Variants in ERI3 observed in about 807,000 individuals in gnomAD.
The protein encoded by ERI3 is ERI1 exoribonuclease family member 3.
In ERI3, 18 loss-of-function variants were observed where a neutral mutation model predicts 44.4. That is an observed-to-expected ratio of 0.41 (90% CI 0.28 to 0.60). ERI3 has a LOEUF of 0.60. Among genes scored for constraint, ERI3 ranks in the 20% least tolerant of loss-of-function variants. The probability of loss-of-function intolerance (pLI) is 0.36; values close to 1 mark genes in which losing one functional copy is unlikely to be tolerated. For missense variants in ERI3, 294 were observed against 435.5 expected (o/e 0.68, Z 2.89); for synonymous variants, 183 against 164.8 (o/e 1.11, Z -0.84).
Position 44,311,803 on chromosome 1 carries a change from G to A in ERI3, c.666+1366C>T, listed in dbSNP as rs145760317. Among the ~76,000 whole-genome samples the A allele has an allele frequency of 1.7e-4, 26 of 152,238 alleles. 1 individual carries two copies. The South Asian group carries it at 3.7e-3, about 22-fold the overall frequency. On this transcript the variant is annotated intron_variant, in intron 5 of 8. Transcript: ENST00000372257. The stretch of plus-strand genomic sequence containing the variant: ...GGTCCTGGCTGGGGATGGTGGCTGG[G>A]ACAGAGGAAAGAATGAGTTCCCTCT...
chr1:44,255,235 C>T (rs1301122421), intron 7 of ERI3, among the ~76,000 whole-genome samples: 4 of 152,150 alleles, frequency 2.6e-5, no homozygotes, highest in Non-Finnish European at 5.9e-5. Context: ...CCACTCCCTT[C>T]CTCCTTCACT....
At chr1:44,240,677 C>G (rs973607272) in intron 8 of ERI3, among the ~76,000 whole-genome samples, 1 of 152,190 alleles carries the variant, frequency 6.6e-6, no homozygotes, top group African/African-American at 2.4e-5. Context: ...TGTACTAATA[C>G]CTGGCCCTCA....
intron 7 of ERI3, 141 bp downstream of exon 7, chr1:44,284,694 A>G: frequency 3.0e-6 from 2 of 664,276 alleles, no homozygotes; most frequent in South Asian, 3.8e-5. Context: ...CATATTAGCT[A>G]AGGAAAAGGA....
chr1:44,224,507 T>C (rs1334564345), intron 8 of ERI3, among the ~76,000 whole-genome samples: 1 of 152,252 alleles, frequency 6.6e-6, no homozygotes, highest in Admixed American at 6.5e-5. Context: ...GCGTCTCTAA[T>C]ACTTAGGTTC....
At chr1:44,310,950 AT>A (rs1197675753) in intron 5 of ERI3, among the ~76,000 whole-genome samples, 3 of 74,292 alleles carry the variant, frequency 4.0e-5, no homozygotes, top group African/African-American at 1.6e-4. Context: ...GTATGTGCAC[AT>A]CGCGCGCGCG....
chr1:44,297,167 G>A (rs536681905), intron 6 of ERI3, among the ~76,000 whole-genome samples: 103 of 152,132 alleles, frequency 6.8e-4, no homozygotes, highest in African/African-American at 2.3e-3. Context: ...CAACATCCTC[G>A]CAAGCTTTGG....
intron 2 of ERI3, among the ~76,000 whole-genome samples, chr1:44,342,818 T>TATATATATATATATAA (rs1171731521): frequency 4.8e-4 from 5 of 10,378 alleles, no homozygotes; most frequent in African/African-American, 1.8e-3. Context: ...AGCTAATATA[T>TATATATATATATATAA]ATATATATAT....
chr1:44,289,798 G>A (rs1029721644), intron 6 of ERI3, among the ~76,000 whole-genome samples: 1 of 152,272 alleles, frequency 6.6e-6, no homozygotes, highest in Non-Finnish European at 1.5e-5. Context: ...CCACGGTGAA[G>A]CCCTTGTGAG....
intron 6 of ERI3, among the ~76,000 whole-genome samples, chr1:44,288,423 T>C (rs1374793368): frequency 1.3e-5 from 2 of 152,094 alleles, no homozygotes; most frequent in East Asian, 1.9e-4. Flanking sequence ...ATGAGAGACA[T>C]AGGGTCAAAT....
At position 44,221,596 on chromosome 1, in the gene ERI3, G is replaced by T. The variant is rs1009753427; in HGVS notation, c.976C>A (p.Arg326=). ...IANIMKTLAY[R]GFIFKQTSKP... ...GATGTCTGCTTGAAGATGAAGCCTC[G>T]ATAGGCGAGTGTCTTCATGATGTTG... Residue 326 remains arginine, a synonymous_variant, in exon 9 of 9, where the codon CGA becomes AGA. Coordinates refer to ENST00000372257, the MANE Select transcript of ERI3 (RefSeq NM_024066.3). The surrounding 1 kb of genome is among the most constrained non-coding windows in gnomAD (Gnocchi z 5.9). 6.2e-7 allele frequency: 1 copy of T among 1,614,142 alleles called. No homozygotes were observed. The highest frequency in any genetic ancestry group is 8.5e-7 in the Non-Finnish European group (1 of 1,180,016).
intron 2 of ERI3, 47 bp downstream of exon 2, chr1:44,352,803 C>T: frequency 6.2e-7 from 1 of 1,610,676 alleles, no homozygotes. Context: ...AGCCCAAATA[C>T]TCAGAAGAAA....
In ERI3 at chr1:44,322,949, T is replaced by G. The variant is rs542641655; in HGVS notation, c.490-3205A>C. On this transcript the variant is annotated intron_variant, in intron 3 of 8. Coordinates refer to ENST00000372257, the MANE Select transcript of ERI3 (RefSeq NM_024066.3). ...GTGGCATTAATCCCAACACAAAGAT[T>G]TGTGACAATGTGCCCAAGTGCCAGC... is the stretch of plus-strand genomic sequence containing the variant. The G allele has an allele frequency of 6.5e-5, 93 of 1,423,596 alleles. No individual in the cohort carries two copies. The African/African-American group carries it at 1.2e-3, about 18-fold the overall frequency. The allele number at this position is 1,423,596 out of a possible 1,614,324, so 88.2% of individuals were successfully genotyped here.
In ERI3 at chr1:44,324,642, C is replaced by T. The variant is rs536993864; in HGVS notation, c.490-4898G>A. ...GACTACAGGAGCCCGCCACCACATC[C>T]GGCTAATTTTTTTGTGCATTTAGTA... On this transcript the variant is annotated intron_variant, in intron 3 of 8. Transcript: ENST00000372257. Among the ~76,000 whole-genome samples the T allele has an allele frequency of 1.6e-3, 238 of 152,176 alleles. 1 individual carries two copies. Among genetic ancestry groups the T allele is most frequent in the Non-Finnish European group, 2.9e-3 (199 of 67,994 alleles).
intron 8 of ERI3, 91 bp downstream of exon 8, chr1:44,247,848 G>T: frequency 9.8e-7 from 1 of 1,018,546 alleles, no homozygotes; most frequent in Non-Finnish European, 1.5e-6. Flanking sequence ...CACTGAATGA[G>T]CCATGGAAAC....
rs372445345 is a variant in ERI3, at chr1:44,308,434, CT to C, written c.667-34del. 222 of 1,579,194 alleles carry C rather than the reference CT, an allele frequency of 1.4e-4. No individual in the cohort carries two copies. In the African/African-American group the frequency reaches 2.4e-3, roughly 17 times the overall value. ...GTACACAAGAACAAATGAGATTTTCCTTTTTTTTCCCTGAGCCTGTGAAGAG... is the reference window on the plus strand; with the variant it reads ...GTACACAAGAACAAATGAGATTTTCCTTTTTTTCCCTGAGCCTGTGAAGAG... On this transcript the variant is annotated intron_variant, in intron 5 of 8. Transcript: ENST00000372257.
intron 6 of ERI3, among the ~76,000 whole-genome samples, chr1:44,289,567 CAG>C (rs1645461379): frequency 6.6e-6 from 1 of 152,194 alleles, no homozygotes; most frequent in Admixed American, 6.5e-5. Context: ...ATAGAGGAAA[CAG>C]GGGTGTAAGA....
intron 2 of ERI3, among the ~76,000 whole-genome samples, chr1:44,342,290 C>A (rs950907326): frequency 3.3e-5 from 5 of 152,056 alleles, no homozygotes; most frequent in African/African-American, 7.2e-5. Flanking sequence ...TGGGGTGACA[C>A]ACGCAGGGTA....
intron 7 of ERI3, among the ~76,000 whole-genome samples, chr1:44,273,489 G>T (rs182625375): frequency 6.6e-6 from 1 of 152,344 alleles, no homozygotes; most frequent in East Asian, 1.9e-4. Flanking sequence ...TAGGCATCCA[G>T]ACTCTGGAGC....
At chr1:44,258,556 T>C (rs1265056801) in intron 7 of ERI3, among the ~76,000 whole-genome samples, 1 of 152,106 alleles carries the variant, frequency 6.6e-6, no homozygotes, top group African/African-American at 2.4e-5. Context: ...GTGCTAGAGA[T>C]ACACAGGTCA....
Sources: gnomAD v4.1 joint callset for allele counts (sites outside exome capture counted in the v4.1 genomes callset) on GRCh38, gnomAD v4.1.1 for gene constraint, Gnocchi (gnomAD v3.1) non-coding constraint, MANE v1.5 for transcripts, NCBI Gene and HGNC (gene_info 2026-07-23, HGNC 2026-07-21) for gene names.